The following PTGES2 variants were observed in gnomAD, a reference collection of about 807,000 sequenced individuals.
PTGES2 encodes GATE-binding factor 1.
A neutral mutation model predicts 44.5 loss-of-function variants in PTGES2; 35 were observed. That is an observed-to-expected ratio of 0.79 (90% CI 0.60 to 1.04). PTGES2 has a LOEUF of 1.04. Ranked by LOEUF, PTGES2 falls within the 50% of genes least tolerant of loss-of-function variation. The probability of loss-of-function intolerance (pLI) is 0.00; values close to 1 mark genes in which losing one functional copy is unlikely to be tolerated. For synonymous variants in PTGES2, 221 were observed against 227.5 expected (o/e 0.97, Z 0.26); for missense variants, 517 against 521.4 (o/e 0.99, Z 0.08).
At position 128,121,207 on chromosome 9, in the gene PTGES2, G is replaced by A. The variant is rs1383444435; in HGVS notation, c.1072C>T (p.His358Tyr). ...DAFDDLMQHT[H>Y]IQPWYLRVER... ...ACCCGCAGGTACCAGGGCTGGATGT[G>A]CGTGTGCTGCATCAGGTCATCGAAC... is the stretch of plus-strand genomic sequence containing the variant. The change falls in exon 7 of 7, where the codon CAC (histidine) becomes TAC (tyrosine). Residue 358 changes from histidine (H) to tyrosine (Y), a missense_variant. His to Tyr is a moderately conservative substitution (Grantham distance 83). Coordinates refer to ENST00000338961, the MANE Select transcript of PTGES2 (RefSeq NM_025072.7). 23 of 1,596,138 alleles carry A rather than the reference G, an allele frequency of 1.4e-5. No individual in the cohort carries two copies. The East Asian group carries it at 5.2e-4, about 36-fold the overall frequency.
intron 2 of PTGES2, 87 bp downstream of exon 2, chr9:128,125,157 C>T (rs1834569213): frequency 7.9e-7 from 1 of 1,260,016 alleles, no homozygotes; most frequent in Admixed American, 2.3e-5. Flanking sequence ...AAGTTCCTTC[C>T]CAGGCTGCAG....
rs113336296 is a variant in PTGES2, at chr9:128,127,305, G to A, written c.279+134C>T. 29 of 696,660 alleles carry A rather than the reference G, an allele frequency of 4.2e-5. 1 individual carries two copies. The highest frequency in any genetic ancestry group is 5.5e-4 in the Middle Eastern group (2 of 3,610). 43.2% of individuals were successfully genotyped at this position (696,660 alleles called of 1,614,324 possible). ...TATTTTACACAAAAGAATACAGAGG[G>A]TTCGGAGACTTCAGACCAAGTCACT... is the stretch of plus-strand genomic sequence containing the variant. On this transcript the variant is annotated intron_variant, in intron 1 of 6. Transcript: ENST00000338961.
At position 128,122,364 on chromosome 9, in the gene PTGES2, A is replaced by G. The variant is rs533006395; in HGVS notation, c.1003T>C (p.Leu335=). 12 of 1,613,540 alleles carry G rather than the reference A, an allele frequency of 7.4e-6. No individual in the cohort carries two copies. Among genetic ancestry groups the G allele is most frequent in the Admixed American group, 6.7e-5 (4 of 60,020 alleles). The change falls in exon 6 of 7, where the codon TTG becomes CTG. Residue 335 remains leucine, a splice_region_variant and synonymous_variant. Coordinates refer to ENST00000338961, the MANE Select transcript of PTGES2 (RefSeq NM_025072.7). ...CCACCTGCCACCACCACACTCACCA[A>G]ATCAGCGAGATTCGGCTTCTGGCCC... ...MGGQKPNLAD[L]AVYGVLRVME... is the part of the protein sequence containing the mutation.
chr9:128,121,430 G>A (rs1160778555), intron 6 of PTGES2, among the ~76,000 whole-genome samples, 157 bp from the exon 7 acceptor site: 2 of 152,216 alleles, frequency 1.3e-5, no homozygotes, highest in African/African-American at 4.8e-5. Context: ...TTTGAACAAA[G>A]CATGTGGGGT....
chr9:128,123,222 C>T lies in PTGES2; in HGVS notation c.687-88G>A, dbSNP rs916154252. 126 of 1,260,618 alleles carry T rather than the reference C, an allele frequency of 1.0e-4. No individual in the cohort carries two copies. The highest frequency in any genetic ancestry group is 2.6e-4 in the Middle Eastern group (1 of 3,826). 78.1% of individuals were successfully genotyped at this position (1,260,618 alleles called of 1,614,324 possible). On this transcript the variant is annotated intron_variant, in intron 4 of 6. Transcript: ENST00000338961. The surrounding 1 kb of genome is among the most constrained non-coding windows in gnomAD (Gnocchi z 4.4). ...CTCTAGAACATACCCACTGCACGGG[C>T]GGGAAGCTGAAGCCTGAGCAGGAAG...
chr9:128,122,234 C>G, intron 6 of PTGES2, 128 bp downstream of exon 6: 1 of 742,780 alleles, frequency 1.3e-6, no homozygotes, highest in Non-Finnish European at 2.3e-6. Context: ...AGTTTCTGTC[C>G]GTGATGGCAG....
At chr9:128,126,149 C>A (rs780344281) in intron 1 of PTGES2, among the ~76,000 whole-genome samples, 5 of 152,258 alleles carry the variant, frequency 3.3e-5, no homozygotes, top group Non-Finnish European at 7.3e-5. Context: ...AACTGTAGAC[C>A]ATCCCCCTGT....
rs915072783 is a variant in PTGES2, at chr9:128,127,119, C to T, written c.279+320G>A. On this transcript the variant is annotated intron_variant, in intron 1 of 6. Transcript: ENST00000338961. ...CCTTCAACCTGGGAGGCAGAGGCTG[C>T]AGTGAGCCGCGATCGCACTCCAGCC... Among the ~76,000 whole-genome samples, 6 of 135,738 alleles carry T rather than the reference C, an allele frequency of 4.4e-5. 1 individual carries two copies. Among genetic ancestry groups the T allele is most frequent in the Non-Finnish European group, 6.1e-5 (4 of 65,664 alleles). 89.0% of individuals were successfully genotyped at this position (135,738 alleles called of 152,430 possible). A position where few individuals can be genotyped will look rare whatever the true frequency, so the allele number is the denominator to read the frequency against.
intron 1 of PTGES2, among the ~76,000 whole-genome samples, chr9:128,126,651 G>C (rs577629747): frequency 6.6e-6 from 1 of 152,042 alleles, no homozygotes; most frequent in Non-Finnish European, 1.5e-5. Context: ...TTGAGGTCAG[G>C]AGTTCGAGAC....
chr9:128,123,121 A>T lies in PTGES2; in HGVS notation c.700T>A (p.Trp234Arg). 6.2e-7 allele frequency: 1 copy of T among 1,610,434 alleles called. No individual in the cohort carries two copies. The highest frequency in any genetic ancestry group is 8.5e-7 in the Non-Finnish European group (1 of 1,179,988). ...AGCCAGTCGTCCGCCCACTGCCGCC[A>T]CTTCATCTCCTCCCTGCGGGCACGG... ...GKEARTEEMK[W>R]RQWADDWLVH... The change falls in exon 5 of 7, where the codon TGG becomes AGG. Residue 234 changes from tryptophan (W) to arginine (R), a missense_variant. Coordinates refer to ENST00000338961, the MANE Select transcript of PTGES2 (RefSeq NM_025072.7). This position sits in a 1 kb window ranked among gnomAD's most constrained non-coding sequence, Gnocchi z 4.4.
upstream of PTGES2, chr9:128,128,216 A>T (rs1834729143): frequency 2.3e-6 from 1 of 429,722 alleles, no homozygotes. Context: ...TCCGCTTCCT[A>T]CTGTGACCCG....
chr9:128,128,247 C>A, upstream of PTGES2: 2 of 451,580 alleles, frequency 4.4e-6, no homozygotes, highest in Non-Finnish European at 8.9e-6. Context: ...TTTTCCCGAA[C>A]CCGAAGGGGC....
chr9:128,127,191 C>CAAAAAAAAAAAAAAAAAACAAAA (rs1834653590), intron 1 of PTGES2, among the ~76,000 whole-genome samples: 1 of 24,494 alleles, frequency 4.1e-5, no homozygotes, highest in Non-Finnish European at 8.2e-5. Flanking sequence ...ATAAACAAAC[C>CAAAAAAAAAAAAAAAAAACAAAA]AAAAAAAAAA....
chr9:128,127,086 G>A (rs1834647607), intron 1 of PTGES2, among the ~76,000 whole-genome samples: 1 of 149,886 alleles, frequency 6.7e-6, no homozygotes, highest in South Asian at 2.1e-4. Flanking sequence ...GGCTGAGGCA[G>A]GAGGATCCCT....
At chr9:128,124,066 CGGGCTACTCT>C (rs1834527576) in intron 3 of PTGES2, among the ~76,000 whole-genome samples, 1 of 151,212 alleles carries the variant, frequency 6.6e-6, no homozygotes, top group Non-Finnish European at 1.5e-5. Context: ...AGGACGGCCA[CGGGCTACTCT>C]GGAAAATCAT....
In PTGES2 at chr9:128,123,691, G is replaced by A. The variant is rs376281590; in HGVS notation, c.686+11C>T. On this transcript the variant is annotated intron_variant, in intron 4 of 6. Coordinates refer to ENST00000338961, the MANE Select transcript of PTGES2 (RefSeq NM_025072.7). This position sits in a 1 kb window ranked among gnomAD's most constrained non-coding sequence, Gnocchi z 4.4. ...TCACCACCTTCCCCCGCCAGCCCCA[G>A]CCCCACTCACGTCCTGGCCTCCTTC... 2.5e-5 allele frequency: 40 copies of A among 1,605,830 alleles called. No individual in the cohort carries two copies. Among genetic ancestry groups the A allele is most frequent in the Non-Finnish European group, 3.1e-5 (37 of 1,175,370 alleles).
chr9:128,125,606 A>C (rs1834590201), intron 1 of PTGES2, among the ~76,000 whole-genome samples, 165 bp from the exon 2 acceptor site: 1 of 152,168 alleles, frequency 6.6e-6, no homozygotes, highest in South Asian at 2.1e-4. Context: ...ACTGGACAGC[A>C]GCCCAGGTTT....
chr9:128,126,799 G>A (rs952769243), intron 1 of PTGES2, among the ~76,000 whole-genome samples: 3 of 151,542 alleles, frequency 2.0e-5, no homozygotes, highest in Non-Finnish European at 2.9e-5. Flanking sequence ...GGCGGAGGTT[G>A]CAGTGAACCG....
chr9:128,127,323 A>G, intron 1 of PTGES2, 116 bp downstream of exon 1: 1 of 933,720 alleles, frequency 1.1e-6, no homozygotes, highest in South Asian at 5.1e-5. Context: ...ACTTCAGACC[A>G]AGTCACTCGC....
Sources: gnomAD v4.1 joint callset for allele counts (sites outside exome capture counted in the v4.1 genomes callset) on GRCh38, gnomAD v4.1.1 for gene constraint, Gnocchi (gnomAD v3.1) non-coding constraint, MANE v1.5 for transcripts, NCBI Gene and HGNC (gene_info 2026-07-23, HGNC 2026-07-21) for gene names.